ALK: variants seen among roughly 807,000 people sequenced by gnomAD.
ALK encodes the protein ALK receptor tyrosine kinase, also known as ALK tyrosine kinase receptor.
In ALK, 74 loss-of-function variants were observed where a neutral mutation model predicts 163.1. The ratio of observed to expected loss-of-function variants is 0.45; its 90% CI spans 0.38 to 0.55. ALK has a LOEUF of 0.55. Ranked by LOEUF, ALK falls within the 20% of genes least tolerant of loss-of-function variation. The probability of loss-of-function intolerance (pLI) is 0.00; values close to 1 mark genes in which losing one functional copy is unlikely to be tolerated. For synonymous variants in ALK, 960 were observed against 843.2 expected, an observed-to-expected ratio of 1.14 and a Z score of -2.40; for missense variants, 2,063 against 2,105.3, an observed-to-expected ratio of 0.98 and a Z score of 0.39.
At chr2:29,351,117 G>A (rs1668100601) in intron 5 of ALK, among the ~76,000 whole-genome samples, 1 of 152,158 alleles carries the variant, frequency 6.6e-6, no homozygotes, top group South Asian at 2.1e-4. Flanking sequence ...CATGGGACAC[G>A]TTTTCACCAC....
At chr2:29,594,026 T>C (rs1020332841) in intron 3 of ALK, among the ~76,000 whole-genome samples, 1 of 152,186 alleles carries the variant, frequency 6.6e-6, no homozygotes, top group Admixed American at 6.5e-5. Flanking sequence ...TCTTGGTTTT[T>C]ACAACTGAGG....
intron 9 of ALK, 76 bp downstream of exon 9, chr2:29,296,812 G>T: frequency 6.3e-7 from 1 of 1,596,058 alleles, no homozygotes. Flanking sequence ...AAGGCACGGG[G>T]AAAGGGAAGG....
At chr2:29,518,464 GAA>G (rs1183090026) in intron 4 of ALK, among the ~76,000 whole-genome samples, 3 of 152,194 alleles carry the variant, frequency 2.0e-5, no homozygotes, top group African/African-American at 7.2e-5. Flanking sequence ...TCAGAAAAAA[GAA>G]TCAAATAGTC....
intron 4 of ALK, among the ~76,000 whole-genome samples, chr2:29,474,447 G>A (rs150440016): frequency 6.6e-6 from 1 of 152,210 alleles, no homozygotes; most frequent in East Asian, 1.9e-4. Flanking sequence ...ACTGACGTGT[G>A]GTTTTAGTGT....
At chr2:29,596,648 T>C (rs1183480764) in intron 3 of ALK, among the ~76,000 whole-genome samples, 1 of 152,190 alleles carries the variant, frequency 6.6e-6, no homozygotes, top group Admixed American at 6.5e-5. Context: ...TGAGGATTTA[T>C]GACTTGATCA....
At chr2:29,411,133 C>T (rs375043823) in intron 4 of ALK, among the ~76,000 whole-genome samples, 4 of 152,042 alleles carry the variant, frequency 2.6e-5, no homozygotes, top group South Asian at 4.1e-4. Flanking sequence ...AACTAAGACA[C>T]GAACATGCAC....
At chr2:29,258,041 AT>A (rs1320942449) in intron 11 of ALK, among the ~76,000 whole-genome samples, 1 of 152,040 alleles carries the variant, frequency 6.6e-6, no homozygotes, top group Non-Finnish European at 1.5e-5. Context: ...GTCTCACTAT[AT>A]TACCCAGGCT....
chr2:29,638,155 A>G (rs770973391), intron 3 of ALK, among the ~76,000 whole-genome samples: 29 of 152,278 alleles, frequency 1.9e-4, no homozygotes, highest in Non-Finnish European at 3.5e-4. Context: ...GCATCTCAAC[A>G]ATGGCGGAAA....
intron 4 of ALK, among the ~76,000 whole-genome samples, chr2:29,388,010 G>A (rs945894435): frequency 1.3e-5 from 2 of 152,096 alleles, no homozygotes; most frequent in Non-Finnish European, 2.9e-5. Flanking sequence ...TCATCAATTT[G>A]GGTTATCAGG....
At chr2:29,707,278 C>A (rs1200479085) in intron 2 of ALK, among the ~76,000 whole-genome samples, 1 of 152,110 alleles carries the variant, frequency 6.6e-6, no homozygotes, top group Non-Finnish European at 1.5e-5. Context: ...ACAGGACCTA[C>A]TGGGTGTTAA....
chr2:29,306,870 GAC>G (rs1220995005), intron 8 of ALK, among the ~76,000 whole-genome samples: 1 of 152,166 alleles, frequency 6.6e-6, no homozygotes, highest in African/African-American at 2.4e-5. Context: ...AGTGAGTAGA[GAC>G]AACACCAGGA....
intron 8 of ALK, among the ~76,000 whole-genome samples, chr2:29,315,394 C>T (rs1479211498): frequency 6.6e-6 from 1 of 152,176 alleles, no homozygotes; most frequent in Non-Finnish European, 1.5e-5. Flanking sequence ...ACCCGCTTCT[C>T]TTCTCCCCCG....
rs138682263 is a variant in ALK, at chr2:29,284,178, G to A, written c.1818-8682C>T. 1.2e-4 allele frequency among the ~76,000 whole-genome samples: 18 copies of A among 152,324 alleles called. No homozygotes were observed. The East Asian group carries it at 3.5e-3, about 29-fold the overall frequency. On this transcript the variant is annotated intron_variant, in intron 9 of 28. Coordinates refer to ENST00000389048, the MANE Select transcript of ALK (RefSeq NM_004304.5). ...ACTAGGCAGTGGGGTGTGCTGGTGG[G>A]AGCAATGTGGAAGGTGTGGGTGGGA...
intron 9 of ALK, among the ~76,000 whole-genome samples, chr2:29,289,148 C>T (rs1352248076): frequency 6.6e-6 from 1 of 152,070 alleles, no homozygotes; most frequent in Non-Finnish European, 1.5e-5. Context: ...TAAACGGGCA[C>T]AGATGCTTGG....
At chr2:29,588,450 C>T (rs1185080104) in intron 3 of ALK, among the ~76,000 whole-genome samples, 3 of 152,008 alleles carry the variant, frequency 2.0e-5, no homozygotes, top group African/African-American at 7.2e-5. Flanking sequence ...AGGCTGGTTT[C>T]GAACTCCTGA....
intron 3 of ALK, among the ~76,000 whole-genome samples, chr2:29,620,591 G>A (rs1329406306): frequency 6.6e-6 from 1 of 152,026 alleles, no homozygotes; most frequent in Non-Finnish European, 1.5e-5. Context: ...ACCCGGCTCT[G>A]CCATTCAGCA....
chr2:29,810,158 A>C (rs1664717427), intron 1 of ALK, among the ~76,000 whole-genome samples: 1 of 152,204 alleles, frequency 6.6e-6, no homozygotes, highest in Non-Finnish European at 1.5e-5. Context: ...ATGGTGGCTC[A>C]TGTGTGTAAT....
chr2:29,425,930 T>A (rs1670124617), intron 4 of ALK, among the ~76,000 whole-genome samples: 1 of 152,172 alleles, frequency 6.6e-6, no homozygotes, highest in Admixed American at 6.5e-5. Context: ...TGGAAATAGA[T>A]AGCTAAGAAG....
intron 1 of ALK, among the ~76,000 whole-genome samples, chr2:29,841,878 T>C (rs77842370): frequency 0.013 from 1,910 of 152,314 alleles, 19 homozygotes; most frequent in Middle Eastern, 0.031. Flanking sequence ...TTGACCCTTA[T>C]GCCTTTGACC....
Sources: gnomAD v4.1 joint callset for allele counts (sites outside exome capture counted in the v4.1 genomes callset) on GRCh38, gnomAD v4.1.1 for gene constraint, MANE v1.5 for transcripts, NCBI Gene and HGNC (gene_info 2026-07-23, HGNC 2026-07-21) for gene names.